IMMP2L: variants seen among roughly 807,000 people sequenced by gnomAD.
The protein encoded by IMMP2L is inner mitochondrial membrane peptidase subunit 2.
IMMP2L carries 18 observed loss-of-function variants against 19.3 expected under a neutral mutation model. That is an observed-to-expected ratio of 0.93 (90% CI 0.64 to 1.38). The LOEUF is 1.38. Among genes scored for constraint, IMMP2L ranks in the 40% most tolerant of loss-of-function variants. The pLI is 0.00. For missense variants in IMMP2L, 233 were observed against 218.2 expected (o/e 1.07, Z -0.43); for synonymous variants, 76 against 73.0 (o/e 1.04, Z -0.21).
At chr7:110,739,789 C>T (rs1168846624) in intron 5 of IMMP2L, among the ~76,000 whole-genome samples, 1 of 152,110 alleles carries the variant, frequency 6.6e-6, no homozygotes, top group Non-Finnish European at 1.5e-5. Context: ...GAAACATTCT[C>T]CAGGATAGAC....
intron 5 of IMMP2L, among the ~76,000 whole-genome samples, chr7:110,730,814 C>T (rs760996109): frequency 1.1e-4 from 17 of 152,216 alleles, no homozygotes; most frequent in African/African-American, 2.6e-4. Context: ...CGTGAGCCGC[C>T]GCGCCCGGCC....
At chr7:111,035,600 C>T (rs370730577) in intron 3 of IMMP2L, among the ~76,000 whole-genome samples, 4 of 152,128 alleles carry the variant, frequency 2.6e-5, no homozygotes, top group South Asian at 2.1e-4. Context: ...CATATACCAA[C>T]GCTAGCAATA....
At chr7:110,963,604 T>C (rs1299406315) in intron 3 of IMMP2L, 39 bp from the exon 4 acceptor site, 4 of 1,271,340 alleles carry the variant, frequency 3.1e-6, no homozygotes, top group South Asian at 1.3e-5. Flanking sequence ...CAGTTATGTC[T>C]ATGTTGTTTT....
intron 3 of IMMP2L, among the ~76,000 whole-genome samples, chr7:111,278,634 G>T (rs918956827): frequency 6.6e-6 from 1 of 152,042 alleles, no homozygotes; most frequent in African/African-American, 2.4e-5. Context: ...TTGTATTAAC[G>T]CTCCAACTGA....
chr7:110,693,299 T>C (rs1315336894), intron 5 of IMMP2L, among the ~76,000 whole-genome samples: 2 of 152,190 alleles, frequency 1.3e-5, no homozygotes, highest in Non-Finnish European at 2.9e-5. Flanking sequence ...TCTCAACCAC[T>C]CTGGTCTGAG....
intron 3 of IMMP2L, among the ~76,000 whole-genome samples, chr7:111,129,763 A>G (rs1171876183): frequency 6.6e-6 from 1 of 152,158 alleles, no homozygotes; most frequent in East Asian, 1.9e-4. Context: ...GTTAAGAGTG[A>G]CCATGGCCTA....
At chr7:111,286,848 G>C (rs1820539250) in intron 3 of IMMP2L, among the ~76,000 whole-genome samples, 3 of 152,146 alleles carry the variant, frequency 2.0e-5, no homozygotes, top group African/African-American at 7.2e-5. Flanking sequence ...AGGTCCCAGA[G>C]ATGTAGAGCC....
At chr7:110,843,825 G>A (rs1805352208) in intron 5 of IMMP2L, among the ~76,000 whole-genome samples, 1 of 152,152 alleles carries the variant, frequency 6.6e-6, no homozygotes, top group Non-Finnish European at 1.5e-5. Context: ...CCAGTGCCAA[G>A]GGAAGAATAT....
intron 5 of IMMP2L, among the ~76,000 whole-genome samples, chr7:110,792,364 T>G (rs1800520338): frequency 6.7e-6 from 1 of 149,594 alleles, no homozygotes; most frequent in Non-Finnish European, 1.5e-5. Flanking sequence ...TAAGTCTTAT[T>G]CAGTACTAGT....
At chr7:111,090,692 C>G (rs748176170) in intron 3 of IMMP2L, among the ~76,000 whole-genome samples, 2 of 151,504 alleles carry the variant, frequency 1.3e-5, no homozygotes, top group African/African-American at 2.4e-5. Context: ...AAATGCCACT[C>G]AAAACAGTTG....
At chr7:110,875,978 G>A (rs1188006974) in intron 5 of IMMP2L, among the ~76,000 whole-genome samples, 1 of 151,986 alleles carries the variant, frequency 6.6e-6, no homozygotes, top group Non-Finnish European at 1.5e-5. Flanking sequence ...ATTTAAAGGG[G>A]AGATGAATGT....
chr7:111,066,185 A>T (rs1794483342), intron 3 of IMMP2L, among the ~76,000 whole-genome samples: 1 of 151,756 alleles, frequency 6.6e-6, no homozygotes, highest in Non-Finnish European at 1.5e-5. Flanking sequence ...GCTTCTCCAT[A>T]TTGGCCAGGC....
At chr7:111,134,604 T>C (rs190782965) in intron 3 of IMMP2L, among the ~76,000 whole-genome samples, 117 of 152,210 alleles carry the variant, frequency 7.7e-4, no homozygotes, top group African/African-American at 2.6e-3. Flanking sequence ...AATTTGGAGA[T>C]ATTTTTGCTA....
chr7:111,275,497 G>C (rs1220995543), intron 3 of IMMP2L, among the ~76,000 whole-genome samples: 2 of 152,160 alleles, frequency 1.3e-5, no homozygotes, highest in Non-Finnish European at 2.9e-5. Context: ...AGGAAAGACA[G>C]TAATTATACT....
intron 2 of IMMP2L, among the ~76,000 whole-genome samples, chr7:111,511,664 A>C (rs907599396): frequency 6.6e-6 from 1 of 151,880 alleles, no homozygotes; most frequent in Non-Finnish European, 1.5e-5. Flanking sequence ...AAAAAAAAAA[A>C]AGGCCTTAAG....
rs182648501 is a variant in IMMP2L, at chr7:111,138,406, C to T, written c.240-174841G>A. On this transcript the variant is annotated intron_variant, in intron 3 of 5. Coordinates refer to ENST00000405709, the MANE Select transcript of IMMP2L (RefSeq NM_032549.4). ...TGGCAGCCCTCCAGCACTGGCATTT[C>T]CTGCCCCAAATTAACTCCAGGGGCC... Among the ~76,000 whole-genome samples, 3 of 152,266 alleles carry T rather than the reference C, an allele frequency of 2.0e-5. No individual in the cohort carries two copies. In the East Asian group the frequency reaches 5.8e-4, roughly 29 times the overall value.
chr7:111,362,583 A>G (rs924630866), intron 3 of IMMP2L, among the ~76,000 whole-genome samples: 7 of 152,150 alleles, frequency 4.6e-5, no homozygotes, highest in Non-Finnish European at 8.8e-5. Flanking sequence ...TCAAAATCAC[A>G]TAGCTTATTA....
chr7:111,444,327 G>T (rs1428780399), intron 3 of IMMP2L, among the ~76,000 whole-genome samples: 1 of 152,062 alleles, frequency 6.6e-6, no homozygotes, highest in African/African-American at 2.4e-5. Context: ...AAGAAAGATG[G>T]CACAGTGGCT....
At chr7:111,550,268 A>G (rs1254458549) in intron 1 of IMMP2L, among the ~76,000 whole-genome samples, 1 of 152,180 alleles carries the variant, frequency 6.6e-6, no homozygotes, top group Non-Finnish European at 1.5e-5. Context: ...CATTGGAGAC[A>G]GTGAAAAGAT....
Sources: gnomAD v4.1 joint callset for allele counts (sites outside exome capture counted in the v4.1 genomes callset) on GRCh38, gnomAD v4.1.1 for gene constraint, MANE v1.5 for transcripts, NCBI Gene and HGNC (gene_info 2026-07-23, HGNC 2026-07-21) for gene names.